The following NBPF6 variants were observed in gnomAD, a reference collection of about 807,000 sequenced individuals.
The protein encoded by NBPF6 is NBPF family member NBPF6.
In NBPF6, 2 loss-of-function variants were observed where a neutral mutation model predicts 20.8. The ratio of observed to expected loss-of-function variants is 0.10; its 90% CI spans 0.04 to 0.30. The LOEUF (loss-of-function observed/expected upper bound fraction) is 0.30. Among genes scored for constraint, NBPF6 ranks in the 10% least tolerant of loss-of-function variants. The probability of loss-of-function intolerance (pLI) is 1.00; values close to 1 mark genes in which losing one functional copy is unlikely to be tolerated. For synonymous variants in NBPF6, 24 were observed against 100.0 expected (o/e 0.24, Z 4.53); for missense variants, 85 against 260.3 (o/e 0.33, Z 4.63).
rs750516440 is a variant in NBPF6 at position 108,471,623 on chromosome 1, T to C, written c.*985T>C. On this transcript the variant is annotated 3_prime_UTR_variant, in exon 15 of 15. Transcript: ENST00000495380. Reference sequence around the variant, plus strand: ...CTGCCTGTGTCAGTTATTATATTTATGTTTTTACATTGGAAATTGTCTTCT... The same window carrying C: ...CTGCCTGTGTCAGTTATTATATTTACGTTTTTACATTGGAAATTGTCTTCT... Among the ~76,000 whole-genome samples the C allele has an allele frequency of 3.3e-5, 5 of 152,280 alleles. No homozygotes were observed. The highest frequency in any genetic ancestry group is 7.3e-5 in the Non-Finnish European group (5 of 68,048).
At chr1:108,429,924 G>A in the NBPF6 span, among the ~76,000 whole-genome samples, 2 of 61,418 alleles carry the variant, frequency 3.3e-5, no homozygotes, top group South Asian at 5.9e-4. Context: ...TGACAGTGGG[G>A]TATTAAAGTT....
At chr1:108,468,195 A>T (rs1653254766) in intron 14 of NBPF6, among the ~76,000 whole-genome samples, 1 of 151,344 alleles carries the variant, frequency 6.6e-6, no homozygotes, top group Non-Finnish European at 1.5e-5. Context: ...GAGCCCCCCT[A>T]GGAAACTAAA....
At chr1:108,469,856 A>G (rs1188375472) in intron 14 of NBPF6, among the ~76,000 whole-genome samples, 1 of 150,020 alleles carries the variant, frequency 6.7e-6, no homozygotes, top group Non-Finnish European at 1.5e-5. Context: ...AACCAAAGAA[A>G]CAGCAGCACC....
In NBPF6 at chr1:108,471,793, T is replaced by C. The variant is rs1653490250; in HGVS notation, c.*1155T>C. On this transcript the variant is annotated 3_prime_UTR_variant, in exon 15 of 15. Transcript: ENST00000495380. ...TTTTAAATCACTTTAATTAAATTTT[T>C]TTGCCTATCACCCTGGACTAGTGAA... Among the ~76,000 whole-genome samples, 1 of 152,212 alleles carries C rather than the reference T, an allele frequency of 6.6e-6. No homozygotes were observed.
upstream of NBPF6, among the ~76,000 whole-genome samples, chr1:108,449,415 A>ACTATCTAT (rs1553270795): frequency 1.0e-4 from 1 of 9,602 alleles, no homozygotes; most frequent in African/African-American, 1.5e-4. Flanking sequence ...TGTTAGAACA[A>ACTATCTAT]CTATATATAT....
rs540668189 is a variant in NBPF6 at position 108,471,146 on chromosome 1, G to A, written c.*508G>A. The A allele has an allele frequency of 6.6e-6, 1 of 152,366 alleles. No individual in the cohort carries two copies. The highest frequency in any genetic ancestry group is 2.4e-5 in the African/African-American group (1 of 41,548). 9.4% of individuals were successfully genotyped at this position (152,366 alleles called of 1,614,324 possible). On this transcript the variant is annotated 3_prime_UTR_variant, in exon 15 of 15. Transcript: ENST00000495380. ...ACAAAAAGGAGAAGAGACATTTTGA[G>A]TTCAAAAAGAGTAAAAAGCCTATGC...
the NBPF6 span, among the ~76,000 whole-genome samples, chr1:108,428,210 C>CT: frequency 2.9e-3 from 62 of 21,216 alleles, 9 homozygotes; most frequent in African/African-American, 4.1e-3. Flanking sequence ...ATTTTATTGC[C>CT]TTTTTTTTTT....
chr1:108,447,841 TA>T (rs1385916540), upstream of NBPF6, among the ~76,000 whole-genome samples: 1 of 145,858 alleles, frequency 6.9e-6, no homozygotes, highest in South Asian at 2.1e-4. Context: ...AGACAAAGAT[TA>T]AAAACAAAAG....
At position 108,452,992 on chromosome 1, in the gene NBPF6, G is replaced by T. The variant is rs1420416697; in HGVS notation, c.279-189G>T. ...TGTGTATGTTTGTTTGTGTGTGTGT[G>T]TGTGTGTGTGTGTGTGTATATATAT... On this transcript the variant is annotated intron_variant, in intron 3 of 14. Transcript: ENST00000495380. Among the ~76,000 whole-genome samples the T allele has an allele frequency of 2.1e-4, 13 of 63,390 alleles. 2 individuals carry two copies. The highest frequency in any genetic ancestry group is 6.9e-4 in the African/African-American group (13 of 18,716). The allele number at this position is 63,390 out of a possible 152,430, so 41.6% of individuals were successfully genotyped here. A position where few individuals can be genotyped will look rare whatever the true frequency, so the allele number is the denominator to read the frequency against.
At chr1:108,448,501 T>A (rs1652704353), upstream of NBPF6, among the ~76,000 whole-genome samples, 1 of 137,888 alleles carries the variant, frequency 7.3e-6, no homozygotes, top group Non-Finnish European at 1.6e-5. Context: ...GTCCCAATGC[T>A]GAAGGAGGGC....
chr1:108,466,074 C>CT lies in NBPF6; in HGVS notation c.1660+658dup, dbSNP rs1342821737. 2.8e-3 allele frequency among the ~76,000 whole-genome samples: 94 copies of CT among 33,402 alleles called. 7 individuals are homozygous for CT. The highest frequency in any genetic ancestry group is 0.012 in the African/African-American group (89 of 7,552). 21.9% of individuals were successfully genotyped at this position (33,402 alleles called of 152,430 possible). On this transcript the variant is annotated intron_variant, in intron 13 of 14. Coordinates refer to ENST00000495380, the MANE Select transcript of NBPF6 (RefSeq NM_001143988.2). Reference sequence around the variant, plus strand: ...CCAGCTGCTTCTGCTGTTTTTTCTGCTTTTTTTTGAAATAAAAGGGCAACT... The same window carrying CT: ...CCAGCTGCTTCTGCTGTTTTTTCTGCTTTTTTTTTGAAATAAAAGGGCAACT...
Position 108,470,692 on chromosome 1 carries a change from A to C in NBPF6, c.*54A>C. On this transcript the variant is annotated 3_prime_UTR_variant, in exon 15 of 15. Transcript: ENST00000495380. ...CTTGATAAAAACAACTAAAACAGCA[A>C]AGCAAGTTTAAGTCCAAACACAATA... 1.5e-6 allele frequency: 2 copies of C among 1,371,636 alleles called. No homozygotes were observed. Among genetic ancestry groups the C allele is most frequent in the Non-Finnish European group, 2.0e-6 (2 of 993,706 alleles). 85.0% of individuals were successfully genotyped at this position (1,371,636 alleles called of 1,614,324 possible).
upstream of NBPF6, among the ~76,000 whole-genome samples, chr1:108,449,416 C>CTATATATA (rs1165819915): frequency 3.4e-4 from 3 of 8,846 alleles, no homozygotes; most frequent in Non-Finnish European, 2.1e-3. Flanking sequence ...GTTAGAACAA[C>CTATATATA]TATATATATA....
At chr1:108,436,478 G>T in the NBPF6 span, among the ~76,000 whole-genome samples, 1 of 90,380 alleles carries the variant, frequency 1.1e-5, no homozygotes, top group African/African-American at 3.5e-5. Context: ...CGGGCATGGT[G>T]ATGCACTCCT....
chr1:108,447,788 G>A (rs1368715608), upstream of NBPF6, among the ~76,000 whole-genome samples: 10 of 141,748 alleles, frequency 7.1e-5, no homozygotes, highest in African/African-American at 1.6e-4. Flanking sequence ...GCAGGATCAC[G>A]GCCAGGTCAT....
At chr1:108,448,414 A>G (rs1450640016), upstream of NBPF6, among the ~76,000 whole-genome samples, 1 of 149,180 alleles carries the variant, frequency 6.7e-6, no homozygotes, top group African/African-American at 2.5e-5. Flanking sequence ...TATATTCCAA[A>G]GTTCCAGTGA....
At chr1:108,459,340 G>A (rs1653025853) in intron 9 of NBPF6, among the ~76,000 whole-genome samples, 1 of 121,756 alleles carries the variant, frequency 8.2e-6, no homozygotes, top group Non-Finnish European at 1.8e-5. Context: ...CAACTAATCA[G>A]TCACACAGAT....
At position 108,467,798 on chromosome 1, in the gene NBPF6, C is replaced by T. The variant is rs1450868128; in HGVS notation, c.1875+133C>T. ...TGCTCTAACCTCTGTCTGGTCTTAG[C>T]TCTGTGTCCCATGGGCTCCCACCCT... On this transcript the variant is annotated intron_variant, in intron 14 of 14. Coordinates refer to ENST00000495380, the MANE Select transcript of NBPF6 (RefSeq NM_001143988.2). 8 of 1,034,620 alleles carry T rather than the reference C, an allele frequency of 7.7e-6. No homozygotes were observed. The East Asian group carries it at 1.6e-4, about 20-fold the overall frequency. 64.1% of individuals were successfully genotyped at this position (1,034,620 alleles called of 1,614,324 possible).
rs186813070 is a variant in NBPF6, at chr1:108,471,267, C to T, written c.*629C>T. On this transcript the variant is annotated 3_prime_UTR_variant, in exon 15 of 15. Transcript: ENST00000495380. The stretch of plus-strand genomic sequence containing the variant: ...GTGACATGGACTTGTTTGTGGAGGA[C>T]GGGTCAGCTCTCTGGCTCAATGGTC... 2.4e-4 allele frequency among the ~76,000 whole-genome samples: 37 copies of T among 152,228 alleles called. No individual in the cohort carries two copies. Among genetic ancestry groups the T allele is most frequent in the African/African-American group, 7.2e-4 (30 of 41,526 alleles).
Sources: gnomAD v4.1 joint callset for allele counts (sites outside exome capture counted in the v4.1 genomes callset) on GRCh38, gnomAD v4.1.1 for gene constraint, MANE v1.5 for transcripts, NCBI Gene and HGNC (gene_info 2026-07-23, HGNC 2026-07-21) for gene names.